TOM1L1: variants seen among roughly 807,000 people sequenced by gnomAD.
TOM1L1 encodes the protein target of myb1 like 1 membrane trafficking protein.
A neutral mutation model predicts 63.4 loss-of-function variants in TOM1L1; 64 were observed. That is an observed-to-expected ratio of 1.01 (90% CI 0.83 to 1.24). The LOEUF (loss-of-function observed/expected upper bound fraction) is 1.24. Among genes scored for constraint, TOM1L1 ranks in the 50% most tolerant of loss-of-function variants. The pLI is 0.00. For missense variants in TOM1L1, 536 were observed against 567.0 expected, an observed-to-expected ratio of 0.95 and a Z score of 0.55; for synonymous variants, 166 against 194.4, an observed-to-expected ratio of 0.85 and a Z score of 1.22.
intron 7 of TOM1L1, among the ~76,000 whole-genome samples, chr17:54,922,914 C>G (rs1471733718): frequency 6.6e-6 from 1 of 152,188 alleles, no homozygotes; most frequent in Admixed American, 6.5e-5. Flanking sequence ...TCCTTTCTGC[C>G]TTTCATCAGT....
intron 14 of TOM1L1, among the ~76,000 whole-genome samples, chr17:54,951,420 G>A (rs2049233257): frequency 6.6e-6 from 1 of 152,158 alleles, no homozygotes; most frequent in South Asian, 2.1e-4. Flanking sequence ...TTCCCCCAGG[G>A]TATAGGGCAG....
At chr17:54,946,324 T>C (rs1459890938) in intron 11 of TOM1L1, among the ~76,000 whole-genome samples, 2 of 152,198 alleles carry the variant, frequency 1.3e-5, no homozygotes, top group African/African-American at 4.8e-5. Flanking sequence ...TGGTACTTTC[T>C]AGTTTCCTGG....
At chr17:54,927,574 CT>C (rs2048788820) in intron 7 of TOM1L1, among the ~76,000 whole-genome samples, 1 of 152,164 alleles carries the variant, frequency 6.6e-6, no homozygotes, top group African/African-American at 2.4e-5. Context: ...AGAAGCTTGC[CT>C]TTGCTTTTAT....
At chr17:54,956,041 G>A (rs1208711574) in intron 14 of TOM1L1, among the ~76,000 whole-genome samples, 2 of 152,174 alleles carry the variant, frequency 1.3e-5, no homozygotes, top group Non-Finnish European at 2.9e-5. Flanking sequence ...GGGAGGTCAA[G>A]TCAGGGCTCA....
intron 7 of TOM1L1, among the ~76,000 whole-genome samples, chr17:54,926,188 C>G (rs2048766398): frequency 6.6e-6 from 1 of 152,184 alleles, no homozygotes; most frequent in South Asian, 2.1e-4. Flanking sequence ...ATTTCCCCAC[C>G]ACTGTGTTGC....
chr17:54,912,749 T>C lies in TOM1L1; in HGVS notation c.306T>C (p.Val102=), dbSNP rs767332211. The C allele has an allele frequency of 3.7e-6, 6 of 1,611,706 alleles. No individual in the cohort carries two copies. The South Asian group carries it at 6.6e-5, about 18-fold the overall frequency. Residue 102 remains valine, a synonymous_variant, in exon 4 of 16, where the codon GTT becomes GTC. Coordinates refer to ENST00000575882, the MANE Select transcript of TOM1L1 (RefSeq NM_005486.3). ...VKKEFVKENL[V]KLLNPRYNLP... is the part of the protein sequence containing the mutation. Reference sequence around the variant, plus strand: ...AGGAATTTGTTAAAGAGAATTTAGTTAAGCTACTGAATCCCAGATACAACT... The same window carrying C: ...AGGAATTTGTTAAAGAGAATTTAGTCAAGCTACTGAATCCCAGATACAACT...
chr17:54,938,952 A>G lies in TOM1L1; in HGVS notation c.1062A>G (p.Thr354=). The G allele has an allele frequency of 6.2e-7, 1 of 1,611,578 alleles. No individual in the cohort carries two copies. The highest frequency in any genetic ancestry group is 8.5e-7 in the Non-Finnish European group (1 of 1,178,852). ...LNFSLPSSDV[T]NNLKPSLHPQ... ...TCAGCCTTCCAAGTTCTGATGTAACAAACAACTTAAAACCCAGTCTTCATC... is the reference window on the plus strand; with the variant it reads ...TCAGCCTTCCAAGTTCTGATGTAACGAACAACTTAAAACCCAGTCTTCATC... Residue 354 remains threonine (T), a synonymous_variant, in exon 11 of 16, where the codon ACA becomes ACG. Transcript: ENST00000575882.
chr17:54,914,745 TAAC>T lies in TOM1L1; in HGVS notation c.603+11_603+13del, dbSNP rs2048559054. 1 of 1,596,214 alleles carries T rather than the reference TAAC, an allele frequency of 6.3e-7. No individual in the cohort carries two copies. The highest frequency in any genetic ancestry group is 8.6e-7 in the Non-Finnish European group (1 of 1,165,180). ...ACTGTTACATTGGTCCCAGAACAGGTAACAACAACAATCATTGCATTTAATTGA... is the reference window on the plus strand; with the variant it reads ...ACTGTTACATTGGTCCCAGAACAGGTAACAACAATCATTGCATTTAATTGA... On this transcript the variant is annotated splice_donor_5th_base_variant and intron_variant, in intron 6 of 15. Transcript: ENST00000575882.
intron 10 of TOM1L1, 93 bp from the exon 11 acceptor site, chr17:54,938,831 C>CTTTTTTTTTTT: frequency 5.2e-6 from 3 of 577,538 alleles, no homozygotes; most frequent in Non-Finnish European, 2.8e-6. Context: ...TTTTCTTTTT[C>CTTTTTTTTTTT]TTTTTTCTTT....
At chr17:54,936,225 AAT>A (rs1357057115) in intron 8 of TOM1L1, among the ~76,000 whole-genome samples, 1 of 152,210 alleles carries the variant, frequency 6.6e-6, no homozygotes, top group Admixed American at 6.5e-5. Flanking sequence ...AATAATCACT[AAT>A]AGAGTGGTTA....
intron 15 of TOM1L1, 30 bp from the exon 16 acceptor site, chr17:54,961,205 A>G: frequency 7.2e-7 from 1 of 1,380,152 alleles, no homozygotes. Flanking sequence ...GACAGGATGA[A>G]TACTGGCCAT....
chr17:54,916,201 T>C (rs2048586365), intron 7 of TOM1L1: 1 of 362,864 alleles, frequency 2.8e-6, no homozygotes, highest in South Asian at 8.7e-5. Flanking sequence ...TAGGAAGGGA[T>C]GTAGAAATGA....
chr17:54,950,865 A>T (rs2049213835), intron 14 of TOM1L1, among the ~76,000 whole-genome samples: 2 of 152,124 alleles, frequency 1.3e-5, no homozygotes, highest in Admixed American at 1.3e-4. Context: ...CTCAGCTCTC[A>T]CTCTAATATA....
intron 7 of TOM1L1, among the ~76,000 whole-genome samples, chr17:54,921,039 G>T (rs1159651087): frequency 2.6e-5 from 4 of 152,232 alleles, no homozygotes; most frequent in South Asian, 2.1e-4. Flanking sequence ...TCATGCAGGG[G>T]TTCCACCTGA....
intron 12 of TOM1L1, 88 bp from the exon 13 acceptor site, chr17:54,949,430 C>A: frequency 1.0e-6 from 1 of 958,448 alleles, no homozygotes. Flanking sequence ...GTTCTTGGAA[C>A]AATGTACTTG....
chr17:54,939,311 TTGCAG>T (rs1397913833), intron 11 of TOM1L1, among the ~76,000 whole-genome samples: 1 of 152,156 alleles, frequency 6.6e-6, no homozygotes, highest in African/African-American at 2.4e-5. Context: ...GAGGTAGAGG[TTGCAG>T]TGCAGTGCAG....
chr17:54,941,659 A>C (rs899822878), intron 11 of TOM1L1, among the ~76,000 whole-genome samples: 2 of 152,218 alleles, frequency 1.3e-5, no homozygotes, highest in African/African-American at 4.8e-5. Context: ...AAATTCATTA[A>C]AAGTCAAATT....
chr17:54,914,785 G>A, intron 6 of TOM1L1, 42 bp downstream of exon 6: 1 of 1,477,758 alleles, frequency 6.8e-7, no homozygotes. Flanking sequence ...GTCTTTTCCT[G>A]ATTTGTAAGC....
rs2048906370 is a variant in TOM1L1 at position 54,933,962 on chromosome 17, AATGGTTGC to A, written c.855-2684_855-2677del. Reference sequence around the variant, plus strand: ...CCAGGTTATAAATAGATAAGAGACAAATGGTTGCATTATTTTGAGTCTTTGATCAGCCT... The same window carrying A: ...CCAGGTTATAAATAGATAAGAGACAAATTATTTTGAGTCTTTGATCAGCCT... On this transcript the variant is annotated intron_variant, in intron 8 of 15. Transcript: ENST00000575882. 2.0e-5 allele frequency among the ~76,000 whole-genome samples: 3 copies of A among 152,316 alleles called. No individual in the cohort carries two copies. In the South Asian group the frequency reaches 6.2e-4, roughly 32 times the overall value.
Sources: allele counts gnomAD v4.1 joint callset (sites outside exome capture counted in the v4.1 genomes callset), GRCh38; gene constraint gnomAD v4.1.1; transcripts MANE v1.5; gene names NCBI Gene and HGNC (gene_info 2026-07-23, HGNC 2026-07-21).